Variants in IKZF1 observed in about 807,000 individuals in gnomAD.
The protein encoded by IKZF1 is IKAROS family zinc finger 1.
Under a neutral mutation model 51.7 loss-of-function variants are expected in IKZF1, and 10 were observed. The observed-to-expected ratio is 0.19, with a 90% CI of 0.12 to 0.33. The LOEUF (loss-of-function observed/expected upper bound fraction) is 0.33, where lower values mean the gene tolerates loss of function less well. Ranked by LOEUF, IKZF1 falls within the 10% of genes least tolerant of loss-of-function variation. IKZF1 has a pLI of 1.00. For synonymous variants in IKZF1, 280 were observed against 282.3 expected (o/e 0.99, Z 0.08); for missense variants, 484 against 707.5 (o/e 0.68, Z 3.58).
At chr7:50,321,051 A>C (rs1277301312) in intron 2 of IKZF1, among the ~76,000 whole-genome samples, 1 of 152,222 alleles carries the variant, frequency 6.6e-6, no homozygotes, top group Non-Finnish European at 1.5e-5. Context: ...CTTTTAAAAG[A>C]AAATAAATTA....
At chr7:50,348,819 G>A (rs1042380172) in intron 3 of IKZF1, among the ~76,000 whole-genome samples, 24 of 152,220 alleles carry the variant, frequency 1.6e-4, no homozygotes, top group African/African-American at 5.8e-4. Flanking sequence ...CACTACAGAT[G>A]CTAAGGAGAG....
In IKZF1 at chr7:50,402,793, A is replaced by G. The variant is rs780574731; in HGVS notation, c.*2166A>G. 4.3e-6 allele frequency: 1 copy of G among 230,452 alleles called. No homozygotes were observed. Among genetic ancestry groups the G allele is most frequent in the Non-Finnish European group, 8.6e-6 (1 of 116,226 alleles). 14.3% of individuals were successfully genotyped at this position (230,452 alleles called of 1,614,324 possible). A position where few individuals can be genotyped will look rare whatever the true frequency, so the allele number is the denominator to read the frequency against. ...TCACAGAAGGGTGTGGCATTTGGAA[A>G]CGGGAATAAACAAAATTGCTGCACC... On this transcript the variant is annotated 3_prime_UTR_variant, in exon 8 of 8. Transcript: ENST00000331340.
At chr7:50,350,987 G>T (rs1015217447) in intron 3 of IKZF1, among the ~76,000 whole-genome samples, 1 of 152,190 alleles carries the variant, frequency 6.6e-6, no homozygotes, top group African/African-American at 2.4e-5. Flanking sequence ...ATGCATTCTA[G>T]CAAAAGAGGT....
intron 3 of IKZF1, among the ~76,000 whole-genome samples, chr7:50,344,656 G>A (rs1799906950): frequency 6.6e-6 from 1 of 152,168 alleles, no homozygotes; most frequent in Non-Finnish European, 1.5e-5. Flanking sequence ...TTCCTTGCAG[G>A]CAGGTACTAC....
intron 3 of IKZF1, among the ~76,000 whole-genome samples, chr7:50,336,410 G>T (rs1010957837): frequency 4.0e-4 from 61 of 152,312 alleles, no homozygotes; most frequent in South Asian, 1.4e-3. Context: ...GCAGGAGTGG[G>T]GCGGGTTGCA....
chr7:50,381,262 G>C (rs567306621), intron 4 of IKZF1, among the ~76,000 whole-genome samples: 10 of 152,086 alleles, frequency 6.6e-5, no homozygotes, highest in African/African-American at 2.4e-4. Flanking sequence ...TTAATCAATC[G>C]GGAAATGGTT....
At chr7:50,380,612 G>T (rs935669674) in intron 4 of IKZF1, among the ~76,000 whole-genome samples, 8 of 152,230 alleles carry the variant, frequency 5.3e-5, no homozygotes, top group Non-Finnish European at 1.2e-4. Context: ...GAGCATTTTT[G>T]TGACATGAGC....
chr7:50,391,333 A>C (rs1412679840), intron 6 of IKZF1, among the ~76,000 whole-genome samples: 3 of 152,200 alleles, frequency 2.0e-5, no homozygotes, highest in African/African-American at 7.2e-5. Context: ...GTTAGATCAC[A>C]CAGTTCTTTG....
intron 1 of IKZF1, among the ~76,000 whole-genome samples, chr7:50,315,352 T>G (rs1174629416): frequency 6.6e-6 from 1 of 152,124 alleles, no homozygotes; most frequent in Non-Finnish European, 1.5e-5. Context: ...ACCTCCCAAG[T>G]CAGTGAGCAG....
intron 3 of IKZF1, among the ~76,000 whole-genome samples, chr7:50,333,766 T>C (rs1796938304): frequency 6.6e-6 from 1 of 152,222 alleles, no homozygotes; most frequent in Admixed American, 6.5e-5. Context: ...TTTAGTTCCT[T>C]TCCCCCTTCA....
At chr7:50,337,484 T>C (rs1315186351) in intron 3 of IKZF1, among the ~76,000 whole-genome samples, 2 of 152,108 alleles carry the variant, frequency 1.3e-5, no homozygotes, top group African/African-American at 4.8e-5. Flanking sequence ...AAGATAGCGT[T>C]CTCAGCACTG....
chr7:50,402,811 G>A lies in IKZF1; in HGVS notation c.*2184G>A, dbSNP rs116186575. The A allele has an allele frequency of 9.9e-3, 2,276 of 230,472 alleles. 47 individuals carry two copies. The highest frequency in any genetic ancestry group is 0.045 in the African/African-American group (2,020 of 45,308). The allele number at this position is 230,472 out of a possible 1,614,324, so 14.3% of individuals were successfully genotyped here. A position where few individuals can be genotyped will look rare whatever the true frequency, so the allele number is the denominator to read the frequency against. ...TTTGGAAACGGGAATAAACAAAATT[G>A]CTGCACCAATGCACTGAGTGAAGGA... On this transcript the variant is annotated 3_prime_UTR_variant, in exon 8 of 8. Coordinates refer to ENST00000331340, the MANE Select transcript of IKZF1 (RefSeq NM_006060.6).
rs2153517554 is a variant in IKZF1 at position 50,399,951 on chromosome 7, G to A, written c.884G>A (p.Ser295Asn). The change falls in exon 8 of 8, where the codon AGC (serine) becomes AAC (asparagine). Residue 295 changes from serine (S) to asparagine (N), a missense_variant. Physicochemically the swap from Ser to Asn is conservative, Grantham distance 46. This residue lies in a region of IKZF1 where 172 missense variants were observed against 192.7 expected (regional missense o/e 0.89). Coordinates refer to ENST00000331340, the MANE Select transcript of IKZF1 (RefSeq NM_006060.6). ...DKGLSDTPYDSSASYEKENEM... is the reference protein window; with the variant it reads ...DKGLSDTPYDNSASYEKENEM... Reference sequence around the variant, plus strand: ...GGCCTGTCCGACACGCCCTACGACAGCAGCGCCAGCTACGAGAAGGAGAAC... The same window carrying A: ...GGCCTGTCCGACACGCCCTACGACAACAGCGCCAGCTACGAGAAGGAGAAC... 6.2e-7 allele frequency: 1 copy of A among 1,613,308 alleles called. No homozygotes were observed. Among genetic ancestry groups the A allele is most frequent in the South Asian group, 1.1e-5 (1 of 90,820 alleles).
chr7:50,403,477 A>T lies in IKZF1; in HGVS notation c.*2850A>T, dbSNP rs903950247. On this transcript the variant is annotated 3_prime_UTR_variant, in exon 8 of 8. Transcript: ENST00000331340. ...CGGAGGGTAACAGGTTGGCCTGTTG[A>T]TTACAGCTAGTAATCGCTGTGTCTT... is the stretch of plus-strand genomic sequence containing the variant. 2 of 228,194 alleles carry T rather than the reference A, an allele frequency of 8.8e-6. No individual in the cohort carries two copies. Among genetic ancestry groups the T allele is most frequent in the Admixed American group, 1.1e-4 (2 of 17,606 alleles). The allele number at this position is 228,194 out of a possible 1,614,324, so 14.1% of individuals were successfully genotyped here.
At chr7:50,320,483 G>A (rs1584451995) in intron 2 of IKZF1, among the ~76,000 whole-genome samples, 1 of 152,198 alleles carries the variant, frequency 6.6e-6, no homozygotes, top group African/African-American at 2.4e-5. Flanking sequence ...ATATATTATT[G>A]TTGACTACAG....
Position 50,400,737 on chromosome 7 carries a change from T to C in IKZF1, c.*110T>C, listed in dbSNP as rs1196633072. On this transcript the variant is annotated 3_prime_UTR_variant, in exon 8 of 8. Coordinates refer to ENST00000331340, the MANE Select transcript of IKZF1 (RefSeq NM_006060.6). The surrounding 1 kb of genome is among the most constrained non-coding windows in gnomAD (Gnocchi z 5.4). ...TAGACTGGACTGGACCAGACAATGT[T>C]GTGTTTGGATTTGTAACTGTTTTTT... 7.6e-7 allele frequency: 1 copy of C among 1,311,936 alleles called. No homozygotes were observed. Among genetic ancestry groups the C allele is most frequent in the Non-Finnish European group, 1.0e-6 (1 of 968,908 alleles). The allele number at this position is 1,311,936 out of a possible 1,614,324, so 81.3% of individuals were successfully genotyped here.
At chr7:50,316,980 T>C (rs1210967677) in intron 1 of IKZF1, among the ~76,000 whole-genome samples, 1 of 152,224 alleles carries the variant, frequency 6.6e-6, no homozygotes, top group Non-Finnish European at 1.5e-5. Context: ...TAAAAAGATA[T>C]GTGTGGTATT....
At chr7:50,320,154 G>T (rs535579490) in intron 2 of IKZF1, among the ~76,000 whole-genome samples, 4 of 152,012 alleles carry the variant, frequency 2.6e-5, no homozygotes, top group African/African-American at 9.7e-5. Context: ...TTAGAGTGAG[G>T]CTTCGTATTT....
chr7:50,334,040 A>G (rs1250557023), intron 3 of IKZF1, among the ~76,000 whole-genome samples: 2 of 152,236 alleles, frequency 1.3e-5, no homozygotes, highest in Non-Finnish European at 2.9e-5. Flanking sequence ...TAACAGGTTC[A>G]TTGCTTCGCA....
Sources: allele counts gnomAD v4.1 joint callset (sites outside exome capture counted in the v4.1 genomes callset), GRCh38; gene constraint gnomAD v4.1.1; regional missense constraint gnomAD v4.1.1; non-coding constraint Gnocchi (gnomAD v3.1); transcripts MANE v1.5; gene names NCBI Gene and HGNC (gene_info 2026-07-23, HGNC 2026-07-21).